VPS39: variants seen among roughly 807,000 people sequenced by gnomAD.
VPS39 encodes VPS39 subunit of HOPS complex.
In VPS39, 70 loss-of-function variants were observed where a neutral mutation model predicts 121.0. That is an observed-to-expected ratio of 0.58 (90% CI 0.48 to 0.71). The LOEUF (loss-of-function observed/expected upper bound fraction) is 0.71, where lower values mean the gene tolerates loss of function less well. Ranked by LOEUF, VPS39 falls within the 30% of genes least tolerant of loss-of-function variation. The probability of loss-of-function intolerance (pLI) is 0.00; values close to 1 mark genes in which losing one functional copy is unlikely to be tolerated. For missense variants in VPS39, 818 were observed against 1,051.5 expected (o/e 0.78, Z 3.07); for synonymous variants, 378 against 398.1 (o/e 0.95, Z 0.60).
chr15:42,163,454 G>T, intron 20 of VPS39, 59 bp from the exon 21 acceptor site: 1 of 1,606,070 alleles, frequency 6.2e-7, no homozygotes, highest in Non-Finnish European at 8.5e-7. Flanking sequence ...TAAATGAGAG[G>T]CTGTGCGTGC....
chr15:42,167,249 C>T (rs1423895510), intron 13 of VPS39, 145 bp downstream of exon 13: 2 of 1,058,448 alleles, frequency 1.9e-6, no homozygotes, highest in Non-Finnish European at 2.7e-6. Context: ...GACTCACAGA[C>T]ATCAGGAGAA....
intron 6 of VPS39, among the ~76,000 whole-genome samples, 173 bp from the exon 7 acceptor site, chr15:42,187,536 G>A (rs1355046699): frequency 1.3e-5 from 2 of 152,142 alleles, no homozygotes; most frequent in African/African-American, 2.4e-5. Context: ...TCCATGAACT[G>A]GACAAAGTAC....
Position 42,172,306 on chromosome 15 carries a change from C to T in VPS39, c.1090+1417G>A, listed in dbSNP as rs1566895094. ...GAAGAGAGACCCCCTTGGACAAGAA[C>T]TGAGGCCCCTGGCTCCAGCCAGCAC... On this transcript the variant is annotated intron_variant, in intron 11 of 24. Transcript: ENST00000318006. Among the ~76,000 whole-genome samples, 4 of 152,210 alleles carry T rather than the reference C, an allele frequency of 2.6e-5. 1 individual carries two copies. The highest frequency in any genetic ancestry group is 1.3e-4 in the Admixed American group (2 of 15,282).
chr15:42,176,057 G>A (rs1159566744), intron 10 of VPS39, among the ~76,000 whole-genome samples: 1 of 152,034 alleles, frequency 6.6e-6, no homozygotes, highest in East Asian at 1.9e-4. Context: ...ATAAAAGATA[G>A]GTTCTTCCTG....
intron 7 of VPS39, among the ~76,000 whole-genome samples, chr15:42,186,000 A>G (rs1013471596): frequency 6.6e-6 from 1 of 152,214 alleles, no homozygotes; most frequent in Admixed American, 6.5e-5. Context: ...CAGTTCCCTT[A>G]TTCCTTGTGC....
intron 2 of VPS39, among the ~76,000 whole-genome samples, chr15:42,197,976 A>G (rs1258025485): frequency 6.6e-6 from 1 of 152,248 alleles, no homozygotes; most frequent in Non-Finnish European, 1.5e-5. Context: ...AAAAGTTTCA[A>G]ATCAGAATTT....
At chr15:42,166,445 A>T (rs1004865910) in intron 15 of VPS39, 118 bp downstream of exon 15, 1 of 1,254,116 alleles carries the variant, frequency 8.0e-7, no homozygotes, top group Non-Finnish European at 1.1e-6. Context: ...TGGAGGAATG[A>T]AATTGAGTGA....
At chr15:42,189,580 T>C (rs1191488858) in intron 4 of VPS39, among the ~76,000 whole-genome samples, 3 of 151,688 alleles carry the variant, frequency 2.0e-5, no homozygotes, top group Non-Finnish European at 4.4e-5. Context: ...AATACAAAAA[T>C]CAGCTGGGTA....
In VPS39 at chr15:42,184,621, C is replaced by A. The variant is rs1243965903; in HGVS notation, c.614G>T (p.Gly205Val). The A allele has an allele frequency of 6.2e-7, 1 of 1,614,052 alleles. No homozygotes were observed. The highest frequency in any genetic ancestry group is 2.2e-5 in the East Asian group (1 of 44,892). Residue 205 changes from glycine to valine, a missense_variant, in exon 8 of 25, where the codon GGA (glycine) becomes GTA (valine). Gly to Val is a moderately radical substitution (Grantham distance 109). Transcript: ENST00000318006. ...LEPLVAPLADGKVAVGQDDLT... is the reference protein window; with the variant it reads ...LEPLVAPLADVKVAVGQDDLT... ...ATCATCCTGGCCCACAGCCACTTTT[C>A]CATCTGCCAGAGGTGCAACTAAGGG...
chr15:42,181,909 T>A (rs1023990287), intron 8 of VPS39, among the ~76,000 whole-genome samples: 1 of 152,216 alleles, frequency 6.6e-6, no homozygotes, highest in Non-Finnish European at 1.5e-5. Flanking sequence ...AGACAGGGTC[T>A]CACTATGTTG....
chr15:42,201,415 C>A, intron 1 of VPS39, among the ~76,000 whole-genome samples: 1 of 152,216 alleles, frequency 6.6e-6, no homozygotes, highest in Non-Finnish European at 1.5e-5. Flanking sequence ...TGACCGCAAG[C>A]AATGCCCCTT....
chr15:42,161,327 C>T, intron 24 of VPS39: 1 of 403,532 alleles, frequency 2.5e-6, no homozygotes, highest in Non-Finnish European at 4.7e-6. Context: ...AGTCACAATG[C>T]AGTAGCTTGA....
intron 8 of VPS39, 49 bp downstream of exon 8, chr15:42,184,468 C>T: frequency 6.5e-7 from 1 of 1,538,138 alleles, no homozygotes; most frequent in Non-Finnish European, 8.7e-7. Context: ...GCAGGAATGG[C>T]ACACAACCTC....
At chr15:42,166,126 A>G (rs767346449) in intron 16 of VPS39, 33 bp downstream of exon 16, 23 of 1,598,874 alleles carry the variant, frequency 1.4e-5, no homozygotes, top group Non-Finnish European at 1.9e-5. Context: ...CCAAGTGTTT[A>G]CCAGATAAAT....
chr15:42,207,402 A>T (rs980170849), intron 1 of VPS39, among the ~76,000 whole-genome samples: 26 of 152,208 alleles, frequency 1.7e-4, no homozygotes, highest in African/African-American at 5.8e-4. Context: ...CAGAGCACAC[A>T]AGAGATGTCT....
Position 42,191,567 on chromosome 15 carries a change from A to T in VPS39, c.140-7T>A, listed in dbSNP as rs769317605. 6.2e-7 allele frequency: 1 copy of T among 1,613,000 alleles called. No homozygotes were observed. Among genetic ancestry groups the T allele is most frequent in the Non-Finnish European group, 8.5e-7 (1 of 1,179,402 alleles). On this transcript the variant is annotated splice_polypyrimidine_tract_variant and splice_region_variant and intron_variant, in intron 2 of 24. Transcript: ENST00000318006. ...ACTTCAAATCTGTTGCAACCTATGG[A>T]AAACAAATAAACACTGGTAGTTCCA... is the stretch of plus-strand genomic sequence containing the variant.
At chr15:42,192,130 C>A in intron 2 of VPS39, 3 of 1,535,680 alleles carry the variant, frequency 2.0e-6, no homozygotes, top group East Asian at 2.4e-5. Context: ...AAGTTATATA[C>A]CATAAAAACA....
At position 42,162,111 on chromosome 15, in the gene VPS39, T is replaced by G; in HGVS notation, c.2381A>C (p.Glu794Ala). 2 of 1,614,230 alleles carry G rather than the reference T, an allele frequency of 1.2e-6. No individual in the cohort carries two copies. The highest frequency in any genetic ancestry group is 1.3e-5 in the African/African-American group (1 of 75,056). ...TQINDIRIFL[E>A]KVLEENAQKK... ...TTGTGCATTTTCTTCCAAGACCTTT[T>G]CCAGGAAGATGCGTATGTCATTGAT... Residue 794 changes from glutamate (E) to alanine (A), a missense_variant, in exon 23 of 25, where the codon GAA becomes GCA. By Grantham distance (107) the Glu-to-Ala change is moderately radical. Transcript: ENST00000318006.
At chr15:42,192,729 C>T (rs573192609) in intron 2 of VPS39, among the ~76,000 whole-genome samples, 93 of 152,138 alleles carry the variant, frequency 6.1e-4, no homozygotes, top group African/African-American at 2.0e-3. Flanking sequence ...CACTTGAAAG[C>T]GTCCTATTAT....
Sources: allele counts gnomAD v4.1 joint callset (sites outside exome capture counted in the v4.1 genomes callset), GRCh38; gene constraint gnomAD v4.1.1; transcripts MANE v1.5; gene names NCBI Gene and HGNC (gene_info 2026-07-23, HGNC 2026-07-21).